The following KLHL32 variants were observed in gnomAD, a reference collection of about 807,000 sequenced individuals.
KLHL32 encodes kelch-like protein 32.
Under a neutral mutation model 64.8 loss-of-function variants are expected in KLHL32, and 35 were observed. That is an observed-to-expected ratio of 0.54 (90% CI 0.41 to 0.72). The LOEUF (loss-of-function observed/expected upper bound fraction) is 0.72. Ranked by LOEUF, KLHL32 falls within the 30% of genes least tolerant of loss-of-function variation. The pLI is 0.00. For missense variants in KLHL32, 589 were observed against 768.5 expected, an observed-to-expected ratio of 0.77 and a Z score of 2.76; for synonymous variants, 259 against 281.0, an observed-to-expected ratio of 0.92 and a Z score of 0.78.
At chr6:96,938,281 A>AG (rs779131423) in intron 1 of KLHL32, among the ~76,000 whole-genome samples, 1 of 152,066 alleles carries the variant, frequency 6.6e-6, no homozygotes, top group Non-Finnish European at 1.5e-5. Context: ...GGAAAAAAAA[A>AG]CAAATGTGTG....
chr6:97,082,555 C>G (rs183243605), intron 5 of KLHL32, among the ~76,000 whole-genome samples: 86 of 151,320 alleles, frequency 5.7e-4, no homozygotes, highest in Middle Eastern at 6.8e-3. Context: ...GGAGCTTGCA[C>G]TGAGCCAAGA....
At chr6:96,925,334 T>C (rs1769011922) in intron 1 of KLHL32, among the ~76,000 whole-genome samples, 2 of 152,252 alleles carry the variant, frequency 1.3e-5, no homozygotes, top group Non-Finnish European at 2.9e-5. Context: ...TCTTAAATGA[T>C]GCCGTTATTT....
intron 9 of KLHL32, 42 bp downstream of exon 9, chr6:97,130,991 A>G: frequency 6.4e-7 from 1 of 1,565,822 alleles, no homozygotes; most frequent in Non-Finnish European, 8.7e-7. Context: ...AGTAGATTCA[A>G]GAAGTCACCA....
intron 6 of KLHL32, among the ~76,000 whole-genome samples, chr6:97,101,400 C>T (rs576458177): frequency 6.6e-6 from 1 of 152,162 alleles, no homozygotes; most frequent in South Asian, 2.1e-4. Context: ...AAGAATAAGC[C>T]TCGAGTTTTA....
At chr6:97,034,772 G>A (rs1021533834) in intron 3 of KLHL32, among the ~76,000 whole-genome samples, 3 of 151,754 alleles carry the variant, frequency 2.0e-5, no homozygotes, top group African/African-American at 7.3e-5. Context: ...AAATGGGATG[G>A]TTTTCTTAAA....
intron 3 of KLHL32, among the ~76,000 whole-genome samples, chr6:97,034,530 T>C (rs188294027): frequency 6.6e-6 from 1 of 152,236 alleles, no homozygotes; most frequent in East Asian, 1.9e-4. Flanking sequence ...AGCATTTTTT[T>C]TTCTATTTCT....
intron 5 of KLHL32, among the ~76,000 whole-genome samples, chr6:97,083,644 A>G (rs561359182): frequency 2.8e-4 from 42 of 152,198 alleles, no homozygotes; most frequent in Non-Finnish European, 5.7e-4. Context: ...ATATACAAAA[A>G]CATTAATAGT....
At chr6:97,073,518 T>C (rs1791093435) in intron 5 of KLHL32, among the ~76,000 whole-genome samples, 3 of 152,168 alleles carry the variant, frequency 2.0e-5, no homozygotes, top group Admixed American at 2.0e-4. Context: ...AATTAAAACA[T>C]CTTTCTCCAT....
At chr6:97,035,648 C>G (rs947376068) in intron 3 of KLHL32, among the ~76,000 whole-genome samples, 1 of 151,598 alleles carries the variant, frequency 6.6e-6, no homozygotes, top group East Asian at 1.9e-4. Flanking sequence ...TTGAATGTGT[C>G]GTCCCACTCT....
intron 3 of KLHL32, among the ~76,000 whole-genome samples, chr6:96,990,462 G>A (rs1777718275): frequency 6.6e-6 from 1 of 152,132 alleles, no homozygotes; most frequent in South Asian, 2.1e-4. Context: ...ATTTCCTCTC[G>A]ATTTCAGCTG....
At chr6:96,991,990 A>AGCGGCAGAAATG (rs1299816595) in intron 3 of KLHL32, among the ~76,000 whole-genome samples, 1 of 152,154 alleles carries the variant, frequency 6.6e-6, no homozygotes, top group Non-Finnish European at 1.5e-5. Context: ...AGGGCTTCCG[A>AGCGGCAGAAATG]GCGGCAGAAA....
intron 4 of KLHL32, among the ~76,000 whole-genome samples, chr6:97,053,411 A>G (rs945696081): frequency 3.3e-5 from 5 of 152,172 alleles, no homozygotes; most frequent in African/African-American, 1.2e-4. Flanking sequence ...CACATTTCCC[A>G]AATTTTTTTC....
the KLHL32 span, among the ~76,000 whole-genome samples, chr6:96,909,106 T>C: frequency 2.6e-5 from 4 of 151,510 alleles, no homozygotes; most frequent in Non-Finnish European, 5.9e-5. Context: ...AGCTGACTTC[T>C]GCTGCTGGAT....
chr6:97,105,130 A>G (rs1168339240), intron 6 of KLHL32, among the ~76,000 whole-genome samples: 3 of 152,226 alleles, frequency 2.0e-5, no homozygotes, highest in African/African-American at 4.8e-5. Context: ...ATAACATGCT[A>G]AAGTTTTATG....
chr6:96,942,662 TG>T (rs1771448863), intron 1 of KLHL32, among the ~76,000 whole-genome samples: 1 of 148,402 alleles, frequency 6.7e-6, no homozygotes, highest in South Asian at 2.2e-4. Flanking sequence ...GGGGTGTGTG[TG>T]TGTGTGTGTG....
rs1799885043 is a variant in KLHL32, at chr6:97,135,358, T to A, written c.1701+2611T>A. Among the ~76,000 whole-genome samples the A allele has an allele frequency of 3.6e-5, 5 of 139,982 alleles. No individual in the cohort carries two copies. In the South Asian group the frequency reaches 1.1e-3, roughly 32 times the overall value. The allele number at this position is 139,982 out of a possible 152,430, so 91.8% of individuals were successfully genotyped here. On this transcript the variant is annotated intron_variant, in intron 10 of 10. Transcript: ENST00000369261. ...TCTTGCTCTGTCACCCAGGCTGGAG[T>A]GCAGTGGCGTGATCTTGGCTCACTG...
chr6:97,067,306 C>T, intron 5 of KLHL32, among the ~76,000 whole-genome samples: 1 of 152,160 alleles, frequency 6.6e-6, no homozygotes, highest in East Asian at 1.9e-4. Flanking sequence ...AAAGGAACCC[C>T]ACATGGCAGG....
chr6:97,063,198 TTA>T (rs1789190917), intron 4 of KLHL32, among the ~76,000 whole-genome samples: 1 of 152,186 alleles, frequency 6.6e-6, no homozygotes, highest in Non-Finnish European at 1.5e-5. Context: ...GTGATTACAG[TTA>T]AGTTTAGGAA....
intron 6 of KLHL32, among the ~76,000 whole-genome samples, chr6:97,085,713 G>A (rs10485379): frequency 1.3e-5 from 2 of 152,110 alleles, no homozygotes; most frequent in African/African-American, 4.8e-5. Flanking sequence ...TTAAGACCAG[G>A]AGAATCAGAG....
Sources: gnomAD v4.1 joint callset for allele counts (sites outside exome capture counted in the v4.1 genomes callset) on GRCh38, gnomAD v4.1.1 for gene constraint, MANE v1.5 for transcripts, NCBI Gene and HGNC (gene_info 2026-07-23, HGNC 2026-07-21) for gene names.